Variants in ART3 observed in about 807,000 individuals in gnomAD.
ART3 encodes the protein ecto-ADP-ribosyltransferase 3.
ART3 carries 49 observed loss-of-function variants against 48.5 expected under a neutral mutation model. That is an observed-to-expected ratio of 1.01 (90% CI 0.80 to 1.28). The LOEUF (loss-of-function observed/expected upper bound fraction) is 1.28, where lower values mean the gene tolerates loss of function less well. ART3 is among the 50% of genes most tolerant of loss of function. The probability of loss-of-function intolerance (pLI) is 0.00; values close to 1 mark genes in which losing one functional copy is unlikely to be tolerated. For synonymous variants in ART3, 145 were observed against 157.2 expected, an observed-to-expected ratio of 0.92 and a Z score of 0.58; for missense variants, 438 against 454.3, an observed-to-expected ratio of 0.96 and a Z score of 0.33.
At chr4:76,051,600 C>T (rs895981080) in intron 1 of ART3, among the ~76,000 whole-genome samples, 20 of 151,388 alleles carry the variant, frequency 1.3e-4, no homozygotes, top group South Asian at 4.2e-4. Context: ...AGTGCAATGG[C>T]GTGATCTCGG....
chr4:76,018,485 A>G (rs1041246730), intron 1 of ART3, among the ~76,000 whole-genome samples: 1 of 152,184 alleles, frequency 6.6e-6, no homozygotes, highest in African/African-American at 2.4e-5. Flanking sequence ...CCTATCTGGT[A>G]CTATGTTCAT....
At chr4:76,078,541 A>G (rs1721645633) in intron 2 of ART3, among the ~76,000 whole-genome samples, 1 of 152,162 alleles carries the variant, frequency 6.6e-6, no homozygotes, top group Non-Finnish European at 1.5e-5. Flanking sequence ...CTGACCTACA[A>G]ACCCAGGACT....
At chr4:76,066,370 G>A (rs1338279281) in intron 1 of ART3, among the ~76,000 whole-genome samples, 1 of 152,100 alleles carries the variant, frequency 6.6e-6, no homozygotes, top group Non-Finnish European at 1.5e-5. Context: ...GACCCACAGT[G>A]GGTAGCTCCC....
chr4:76,078,943 T>C (rs1013876312), intron 2 of ART3, among the ~76,000 whole-genome samples: 15 of 151,820 alleles, frequency 9.9e-5, no homozygotes, highest in Admixed American at 2.6e-4. Flanking sequence ...TAGCCGGGCG[T>C]GGTGGCGGGC....
chr4:76,062,267 G>A (rs1330653215), intron 1 of ART3, among the ~76,000 whole-genome samples: 1 of 152,092 alleles, frequency 6.6e-6, no homozygotes, highest in Non-Finnish European at 1.5e-5. Flanking sequence ...AAAGCATTAA[G>A]TATCTTTAGT....
intron 1 of ART3, among the ~76,000 whole-genome samples, chr4:76,050,589 T>C (rs923105048): frequency 6.6e-6 from 1 of 152,214 alleles, no homozygotes; most frequent in East Asian, 1.9e-4. Context: ...CCCAGCTGGC[T>C]TCACGCAGTG....
chr4:76,044,211 G>T (rs970385509), intron 1 of ART3, among the ~76,000 whole-genome samples: 1 of 151,982 alleles, frequency 6.6e-6, no homozygotes, highest in East Asian at 1.9e-4. Context: ...TCCAGAGATT[G>T]GTATAAGAAT....
At chr4:76,100,625 G>A (rs931819948) in intron 6 of ART3, among the ~76,000 whole-genome samples, 170 bp from the exon 7 acceptor site, 5 of 117,950 alleles carry the variant, frequency 4.2e-5, no homozygotes, top group African/African-American at 1.6e-4. Context: ...GCGAGGCTCC[G>A]TCTCAAAAAA....
At chr4:76,060,512 G>T (rs1431475671) in intron 1 of ART3, among the ~76,000 whole-genome samples, 1 of 152,082 alleles carries the variant, frequency 6.6e-6, no homozygotes, top group Non-Finnish European at 1.5e-5. Flanking sequence ...ACACCTATTG[G>T]CTAACATGGT....
At chr4:76,089,367 G>GA (rs1235196586) in intron 3 of ART3, among the ~76,000 whole-genome samples, 2,049 of 152,248 alleles carry the variant, frequency 0.013, 41 homozygotes, top group African/African-American at 0.047. Context: ...TTGGATCATG[G>GA]GGGCTGTTTC....
intron 8 of ART3, among the ~76,000 whole-genome samples, chr4:76,103,251 C>T (rs1427987546): frequency 9.2e-5 from 14 of 152,040 alleles, no homozygotes; most frequent in South Asian, 2.1e-4. Context: ...CACGGTGGCT[C>T]ACACCTATAA....
chr4:76,085,369 C>A (rs1723336985), intron 3 of ART3, among the ~76,000 whole-genome samples: 1 of 152,186 alleles, frequency 6.6e-6, no homozygotes, highest in Non-Finnish European at 1.5e-5. Context: ...TGGGTAGGGA[C>A]AGATCCACTT....
chr4:76,032,775 G>A (rs991384343), intron 1 of ART3, among the ~76,000 whole-genome samples: 10 of 151,848 alleles, frequency 6.6e-5, no homozygotes, highest in African/African-American at 2.4e-4. Context: ...AAGTAGAAAT[G>A]GGGTTTCACC....
chr4:76,105,748 T>TCC (rs1298194711), intron 10 of ART3: 13 of 985,310 alleles, frequency 1.3e-5, no homozygotes, highest in Non-Finnish European at 1.4e-5. Flanking sequence ...CTATTACGGT[T>TCC]CTCTGGGCCA....
At chr4:76,043,667 C>T (rs1735211937) in intron 1 of ART3, among the ~76,000 whole-genome samples, 1 of 151,930 alleles carries the variant, frequency 6.6e-6, no homozygotes, top group Non-Finnish European at 1.5e-5. Context: ...TGGCGCCTGT[C>T]CCTCCACACC....
intron 6 of ART3, 143 bp from the exon 7 acceptor site, chr4:76,100,652 T>C: frequency 1.1e-6 from 1 of 917,560 alleles, no homozygotes; most frequent in East Asian, 2.5e-5. Flanking sequence ...AAAAAAATTC[T>C]GGGGGCTTGC....
chr4:76,079,962 T>G (rs1560621756), intron 2 of ART3, among the ~76,000 whole-genome samples: 1 of 152,018 alleles, frequency 6.6e-6, no homozygotes, highest in East Asian at 1.9e-4. Flanking sequence ...TTTTTAAGTA[T>G]CATTCACATA....
chr4:76,099,629 C>CA (rs141307659), intron 5 of ART3: 4,367 of 153,750 alleles, frequency 0.028, 164 homozygotes, highest in African/African-American at 0.088. Context: ...TCCAAATACT[C>CA]AGACAAAAAT....
Position 76,082,002 on chromosome 4 carries a change from A to C in ART3, c.248A>C (p.Gln83Pro), listed in dbSNP as rs758937416. The change falls in exon 3 of 12, where the codon CAA becomes CCA. Residue 83 changes from glutamine to proline, a missense_variant. Coordinates refer to ENST00000355810, the MANE Select transcript of ART3 (RefSeq NM_001130016.3). ...AKAKWAARKT[Q>P]IFLPMNFKDN... The stretch of plus-strand genomic sequence containing the variant: ...GCCAAATGGGCAGCCCGAAAGACTC[A>C]AATCTTTCTCCCTATGAATTTTAAG... 14 of 1,614,208 alleles carry C rather than the reference A, an allele frequency of 8.7e-6. No individual in the cohort carries two copies. In the South Asian group the frequency reaches 1.4e-4, roughly 16 times the overall value.
Sources: allele counts gnomAD v4.1 joint callset (sites outside exome capture counted in the v4.1 genomes callset), GRCh38; gene constraint gnomAD v4.1.1; transcripts MANE v1.5; gene names NCBI Gene and HGNC (gene_info 2026-07-23, HGNC 2026-07-21).